Variants in PPP5C observed in about 807,000 individuals in gnomAD.
PPP5C encodes serine/threonine-protein phosphatase 5.
PPP5C carries 21 observed loss-of-function variants against 66.7 expected under a neutral mutation model. The ratio of observed to expected loss-of-function variants is 0.31; its 90% CI spans 0.22 to 0.45. The LOEUF (loss-of-function observed/expected upper bound fraction) is 0.45, where lower values mean the gene tolerates loss of function less well. PPP5C is among the 20% of genes least tolerant of loss of function. PPP5C has a pLI of 1.00. For missense variants in PPP5C, 464 were observed against 675.9 expected (o/e 0.69, Z 3.48); for synonymous variants, 246 against 257.4 (o/e 0.96, Z 0.43).
At chr19:46,387,474 T>G in intron 9 of PPP5C, 21 bp downstream of exon 9, 1 of 1,613,950 alleles carries the variant, frequency 6.2e-7, no homozygotes, top group Non-Finnish European at 8.5e-7. Flanking sequence ...CGGGGCCAGG[T>G]GTCTCCAGCA....
intron 4 of PPP5C, among the ~76,000 whole-genome samples, chr19:46,377,998 A>G (rs1422376658): frequency 1.3e-5 from 2 of 152,118 alleles, no homozygotes; most frequent in Admixed American, 6.5e-5. Flanking sequence ...GAATTTCTCT[A>G]TTGATTGTCT....
rs909839154 is a variant in PPP5C at position 46,388,853 on chromosome 19, A to G, written c.1355+122A>G. 6.3e-6 allele frequency: 8 copies of G among 1,273,238 alleles called. No individual in the cohort carries two copies. The African/African-American group carries it at 1.0e-4, about 17-fold the overall frequency. 78.9% of individuals were successfully genotyped at this position (1,273,238 alleles called of 1,614,324 possible). On this transcript the variant is annotated intron_variant, in intron 11 of 12. Coordinates refer to ENST00000012443, the MANE Select transcript of PPP5C (RefSeq NM_006247.4). This position sits in a 1 kb window ranked among gnomAD's most constrained non-coding sequence, Gnocchi z 4.9. ...AGGCAAGAGCAGATAAAAGAACATG[A>G]CGAACACCCCCGTATGTGTCACCCA...
At chr19:46,354,658 G>A (rs763515298) in intron 2 of PPP5C, among the ~76,000 whole-genome samples, 6 of 152,066 alleles carry the variant, frequency 3.9e-5, no homozygotes, top group Non-Finnish European at 2.9e-5. Context: ...TTAGCCAAGC[G>A]TGGTGGCACG....
At chr19:46,381,493 T>A (rs948834115) in intron 4 of PPP5C, 5 of 152,228 alleles carry the variant, frequency 3.3e-5, no homozygotes, top group African/African-American at 1.2e-4. Context: ...AGGCCTGTAA[T>A]CCTAGCACTT....
intron 7 of PPP5C, 34 bp downstream of exon 7, chr19:46,384,943 G>T (rs750136798): frequency 1.1e-5 from 16 of 1,523,782 alleles, no homozygotes; most frequent in Middle Eastern, 1.7e-4. Flanking sequence ...TGGGTTCATT[G>T]TGGGGTCCTG....
intron 7 of PPP5C, among the ~76,000 whole-genome samples, chr19:46,385,594 A>G (rs1438771241): frequency 6.6e-6 from 1 of 152,176 alleles, no homozygotes; most frequent in African/African-American, 2.4e-5. Context: ...AGCCTGTCCA[A>G]TGTGGTGAAA....
At chr19:46,373,307 G>A (rs1391662406) in intron 2 of PPP5C, among the ~76,000 whole-genome samples, 1 of 152,264 alleles carries the variant, frequency 6.6e-6, no homozygotes, top group Non-Finnish European at 1.5e-5. Context: ...TTTCGCCTGG[G>A]AGAGAAGGGA....
chr19:46,347,135 GC>G lies in PPP5C; in HGVS notation c.46del (p.Arg16GlyfsTer10). On this transcript the variant is annotated frameshift_variant, in exon 1 of 13. Transcript: ENST00000012443. LOFTEE classifies it high-confidence loss of function. ...AGGGCGAGAGGACTGAGTGTGCTGA[GC>G]CCCCCCGGGACGAACCCCCGGCTGA... ...AEGERTECAE[P>X]PRDEPPADGA... is the part of the protein sequence containing the mutation. 2 of 1,604,684 alleles carry G rather than the reference GC, an allele frequency of 1.2e-6. No individual in the cohort carries two copies. Among genetic ancestry groups the G allele is most frequent in the South Asian group, 1.1e-5 (1 of 89,596 alleles).
chr19:46,373,943 C>T (rs766271649), intron 2 of PPP5C, among the ~76,000 whole-genome samples: 15 of 152,128 alleles, frequency 9.9e-5, no homozygotes, highest in East Asian at 1.9e-4. Flanking sequence ...GCCAGCATGC[C>T]GGGGACATGA....
intron 2 of PPP5C, among the ~76,000 whole-genome samples, chr19:46,374,909 A>G (rs1346143252): frequency 6.6e-6 from 1 of 152,118 alleles, no homozygotes; most frequent in Admixed American, 6.5e-5. Context: ...CAGAGCTGGG[A>G]TTTGAACCCG....
rs960758916 is a variant in PPP5C, at chr19:46,383,455, C to T, written c.678C>T (p.Leu226=). 1.2e-6 allele frequency: 2 copies of T among 1,607,532 alleles called. No homozygotes were observed. Among genetic ancestry groups the T allele is most frequent in the African/African-American group, 1.3e-5 (1 of 74,692 alleles). ...AGGTCCTCTCCAAGCTGAGCACGCT[C>T]GTGGAAACCACACTCAAAGAGGTGC... ...VKEVLSKLST[L]VETTLKETEK... is the part of the protein sequence containing the mutation. Residue 226 remains leucine, a synonymous_variant, in exon 5 of 13, where the codon CTC becomes CTT. Transcript: ENST00000012443. The surrounding 1 kb of genome is among the most constrained non-coding windows in gnomAD (Gnocchi z 5.0).
At position 46,389,434 on chromosome 19, in the gene PPP5C, CACACACACACACACACACACACACACAG is replaced by C. The variant is rs1568579968; in HGVS notation, c.1356-616_1356-589del. Among the ~76,000 whole-genome samples, 11 of 86,578 alleles carry C rather than the reference CACACACACACACACACACACACACACAG, an allele frequency of 1.3e-4. 1 individual carries two copies. The highest frequency in any genetic ancestry group is 5.0e-4 in the African/African-American group (10 of 20,152). The allele number at this position is 86,578 out of a possible 152,430, so 56.8% of individuals were successfully genotyped here. A position where few individuals can be genotyped will look rare whatever the true frequency, so the allele number is the denominator to read the frequency against. On this transcript the variant is annotated intron_variant, in intron 11 of 12. Coordinates refer to ENST00000012443, the MANE Select transcript of PPP5C (RefSeq NM_006247.4). ...ACACACACACACACACACACACACACACACACACACACACACACACACACACAGTGTTGATCCCTTGCCCCCACCCGAA... is the reference window on the plus strand; with the variant it reads ...ACACACACACACACACACACACACACTGTTGATCCCTTGCCCCCACCCGAA...
intron 2 of PPP5C, among the ~76,000 whole-genome samples, chr19:46,373,208 C>G (rs139830371): frequency 2.0e-5 from 3 of 152,206 alleles, no homozygotes; most frequent in African/African-American, 7.2e-5. Flanking sequence ...GCCCCAGGGA[C>G]GAGAGGCCCA....
intron 2 of PPP5C, among the ~76,000 whole-genome samples, chr19:46,365,526 C>T (rs1181474496): frequency 1.3e-5 from 2 of 151,976 alleles, no homozygotes; most frequent in African/African-American, 4.8e-5. Context: ...ACCAGTGAAT[C>T]GTGAGGCATG....
At chr19:46,374,109 C>T (rs904872506) in intron 2 of PPP5C, among the ~76,000 whole-genome samples, 5 of 152,200 alleles carry the variant, frequency 3.3e-5, no homozygotes, top group Non-Finnish European at 5.9e-5. Context: ...GCCTTACACC[C>T]ACCCACAGCC....
At position 46,388,865 on chromosome 19, in the gene PPP5C, G is replaced by T. The variant is rs1482088920; in HGVS notation, c.1355+134G>T. The T allele has an allele frequency of 5.4e-6, 6 of 1,104,928 alleles. No individual in the cohort carries two copies. The Admixed American group carries it at 1.2e-4, about 23-fold the overall frequency. The allele number at this position is 1,104,928 out of a possible 1,614,324, so 68.4% of individuals were successfully genotyped here. A position where few individuals can be genotyped will look rare whatever the true frequency, so the allele number is the denominator to read the frequency against. ...ATAAAAGAACATGACGAACACCCCC[G>T]TATGTGTCACCCACCCATGCAGCAC... is the stretch of plus-strand genomic sequence containing the variant. On this transcript the variant is annotated intron_variant, in intron 11 of 12. Transcript: ENST00000012443. The surrounding 1 kb of genome is among the most constrained non-coding windows in gnomAD (Gnocchi z 4.9).
chr19:46,368,516 T>C (rs1167689567), intron 2 of PPP5C, among the ~76,000 whole-genome samples: 1 of 152,234 alleles, frequency 6.6e-6, no homozygotes, highest in East Asian at 1.9e-4. Flanking sequence ...ATCTTTTCTT[T>C]TTAAAAAATT....
chr19:46,375,045 C>T (rs1972667404), intron 2 of PPP5C, among the ~76,000 whole-genome samples: 1 of 152,208 alleles, frequency 6.6e-6, no homozygotes, highest in South Asian at 2.1e-4. Context: ...CCCACCTGCC[C>T]CTGCTGCATG....
Position 46,387,329 on chromosome 19 carries a change from G to T in PPP5C, c.1048-37G>T, listed in dbSNP as rs770857528. On this transcript the variant is annotated intron_variant, in intron 8 of 12. Coordinates refer to ENST00000012443, the MANE Select transcript of PPP5C (RefSeq NM_006247.4). ...GGAAGTTGGGGCCTGTGGGTGGGTG[G>T]CACCTTCCCTCACAGCGGCATCCCC... 4 of 1,608,110 alleles carry T rather than the reference G, an allele frequency of 2.5e-6. No individual in the cohort carries two copies. The South Asian group carries it at 4.4e-5, about 18-fold the overall frequency.
Sources: gnomAD v4.1 joint callset for allele counts (sites outside exome capture counted in the v4.1 genomes callset) on GRCh38, gnomAD v4.1.1 for gene constraint, Gnocchi (gnomAD v3.1) non-coding constraint, MANE v1.5 for transcripts, NCBI Gene and HGNC (gene_info 2026-07-23, HGNC 2026-07-21) for gene names.